Variants in UNC13C observed in about 807,000 individuals in gnomAD.
UNC13C encodes protein unc-13 homolog C.
UNC13C carries 174 observed loss-of-function variants against 245.4 expected under a neutral mutation model. The ratio of observed to expected loss-of-function variants is 0.71; its 90% confidence interval spans 0.63 to 0.80. UNC13C has a LOEUF of 0.80. Among genes scored for constraint, UNC13C ranks in the 30% least tolerant of loss-of-function variants. UNC13C has a pLI of 0.00. For missense variants in UNC13C, 2,829 were observed against 2,602.9 expected (o/e 1.09, Z -1.89); for synonymous variants, 992 against 895.1 (o/e 1.11, Z -1.93).
chr15:54,243,385 T>A (rs547755751), intron 7 of UNC13C, among the ~76,000 whole-genome samples: 1 of 152,184 alleles, frequency 6.6e-6, no homozygotes, highest in Non-Finnish European at 1.5e-5. Context: ...CAGTCTATCA[T>A]TGATGGACAT....
At chr15:54,224,550 T>G (rs11634360) in intron 4 of UNC13C, among the ~76,000 whole-genome samples, 1 of 151,966 alleles carries the variant, frequency 6.6e-6, no homozygotes, top group Non-Finnish European at 1.5e-5. Context: ...TTGTTAAGGA[T>G]ATTTGCATCA....
At chr15:54,274,703 G>A (rs552788114) in intron 10 of UNC13C, among the ~76,000 whole-genome samples, 2 of 124,968 alleles carry the variant, frequency 1.6e-5, no homozygotes, top group Admixed American at 9.9e-5. Flanking sequence ...ACGGAGTCTC[G>A]CTCTGTCGCC....
At chr15:54,387,266 T>C (rs1358818101) in intron 17 of UNC13C, among the ~76,000 whole-genome samples, 1 of 152,168 alleles carries the variant, frequency 6.6e-6, no homozygotes, top group Non-Finnish European at 1.5e-5. Flanking sequence ...ACCAGTTAGC[T>C]AGATTTATAG....
At chr15:54,314,090 C>G (rs978865836) in intron 13 of UNC13C, among the ~76,000 whole-genome samples, 1 of 148,028 alleles carries the variant, frequency 6.8e-6, no homozygotes, top group Admixed American at 6.7e-5. Context: ...AAAAACAAAA[C>G]AAAACTGGAA....
intron 7 of UNC13C, among the ~76,000 whole-genome samples, chr15:54,238,788 T>C (rs1040163958): frequency 1.3e-5 from 2 of 152,210 alleles, no homozygotes; most frequent in Non-Finnish European, 2.9e-5. Flanking sequence ...TAAATTCTGA[T>C]TGAATGAAAG....
chr15:54,084,908 A>G (rs1899151350), intron 2 of UNC13C, among the ~76,000 whole-genome samples: 1 of 152,194 alleles, frequency 6.6e-6, no homozygotes, highest in Non-Finnish European at 1.5e-5. Flanking sequence ...TTTGCATTCA[A>G]AAGTAGTGGT....
intron 10 of UNC13C, among the ~76,000 whole-genome samples, chr15:54,290,150 T>C (rs539489940): frequency 1.3e-5 from 2 of 152,168 alleles, no homozygotes; most frequent in South Asian, 4.2e-4. Context: ...AAACTGTACG[T>C]TTCTGACAGT....
intron 4 of UNC13C, among the ~76,000 whole-genome samples, chr15:54,176,379 G>T (rs766559040): frequency 3.3e-5 from 5 of 152,040 alleles, no homozygotes; most frequent in Non-Finnish European, 5.9e-5. Flanking sequence ...TTTAACTTAG[G>T]TTGTCTGTTC....
intron 30 of UNC13C, among the ~76,000 whole-genome samples, chr15:54,568,188 C>T (rs1454882819): frequency 2.0e-5 from 3 of 151,938 alleles, no homozygotes; most frequent in African/African-American, 7.2e-5. Flanking sequence ...GAATGGCTGA[C>T]TTGTTGGTGA....
At chr15:54,552,675 A>AT (rs1293212103) in intron 28 of UNC13C, among the ~76,000 whole-genome samples, 1 of 84,150 alleles carries the variant, frequency 1.2e-5, no homozygotes, top group Non-Finnish European at 2.0e-5. Flanking sequence ...TGTACTATAT[A>AT]ATATAATTAT....
the UNC13C span, among the ~76,000 whole-genome samples, chr15:53,914,880 T>C: frequency 0.27 from 41,498 of 151,820 alleles, 5,790 homozygotes; most frequent in South Asian, 0.4. Context: ...TCCCCCTAAA[T>C]ATGTGTGTGT....
the UNC13C span, among the ~76,000 whole-genome samples, chr15:53,964,887 G>A: frequency 2.6e-5 from 4 of 152,140 alleles, no homozygotes; most frequent in Admixed American, 1.3e-4. Flanking sequence ...TCGAAGCCAC[G>A]TTAGCCACAG....
intron 15 of UNC13C, among the ~76,000 whole-genome samples, chr15:54,333,296 A>G (rs1353327980): frequency 6.6e-6 from 1 of 152,080 alleles, no homozygotes; most frequent in African/African-American, 2.4e-5. Flanking sequence ...TATTTCAGGA[A>G]AGACTATATG....
chr15:53,872,538 C>T, the UNC13C span, among the ~76,000 whole-genome samples: 4 of 152,158 alleles, frequency 2.6e-5, no homozygotes, highest in East Asian at 3.9e-4. Context: ...TCTTTTATGC[C>T]GTTTCAACAG....
chr15:54,488,331 A>G (rs915734963), intron 19 of UNC13C, among the ~76,000 whole-genome samples: 3 of 152,168 alleles, frequency 2.0e-5, no homozygotes, highest in Admixed American at 1.3e-4. Flanking sequence ...TTTTTATTTC[A>G]TATTGTTTCC....
At chr15:54,050,728 T>C (rs573262915) in intron 2 of UNC13C, 1 of 571,120 alleles carries the variant, frequency 1.8e-6, no homozygotes, top group Admixed American at 1.9e-5. Flanking sequence ...GAAGCTTTAC[T>C]ATTTGAGTTG....
In UNC13C at chr15:54,301,956, T is replaced by A. The variant is rs11633517; in HGVS notation, c.4268+1583T>A. ...CACATCCTCTCCAGCATCTGTTGTTTCCTGACTTTTTAATGATCACCATTC... is the reference window on the plus strand; with the variant it reads ...CACATCCTCTCCAGCATCTGTTGTTACCTGACTTTTTAATGATCACCATTC... On this transcript the variant is annotated intron_variant, in intron 13 of 32. Transcript: ENST00000260323. Among the ~76,000 whole-genome samples the A allele has an allele frequency of 2.3e-3, 350 of 152,270 alleles. 1 individual carries two copies. Among genetic ancestry groups the A allele is most frequent in the Admixed American group, 0.01 (154 of 15,300 alleles).
At chr15:54,214,294 C>A (rs190721282) in intron 4 of UNC13C, among the ~76,000 whole-genome samples, 5 of 151,836 alleles carry the variant, frequency 3.3e-5, no homozygotes, top group Non-Finnish European at 4.4e-5. Flanking sequence ...TCTTTTCTTT[C>A]GCTAGTCTTT....
At chr15:54,569,792 A>G (rs76734363) in intron 30 of UNC13C, among the ~76,000 whole-genome samples, 3,415 of 151,786 alleles carry the variant, frequency 0.022, 150 homozygotes, top group African/African-American at 0.077. Context: ...TTTTTTTCTG[A>G]GTATTCAATT....
Sources: allele counts gnomAD v4.1 joint callset (sites outside exome capture counted in the v4.1 genomes callset), GRCh38; gene constraint gnomAD v4.1.1; transcripts MANE v1.5; gene names NCBI Gene and HGNC (gene_info 2026-07-23, HGNC 2026-07-21).